SERAC1: variants seen among roughly 807,000 people sequenced by gnomAD.
SERAC1 encodes the protein serine active site containing 1.
SERAC1 carries 36 observed loss-of-function variants against 85.7 expected under a neutral mutation model. That is an observed-to-expected ratio of 0.42 (90% CI 0.32 to 0.55). The LOEUF is 0.55. Ranked by LOEUF, SERAC1 falls within the 20% of genes least tolerant of loss-of-function variation. The pLI is 0.11. For synonymous variants in SERAC1, 242 were observed against 265.3 expected (o/e 0.91, Z 0.85); for missense variants, 629 against 796.2 (o/e 0.79, Z 2.53).
At position 158,146,997 on chromosome 6, in the gene SERAC1, C is replaced by T. The variant is rs556921461; in HGVS notation, c.356-84G>A. The T allele has an allele frequency of 6.9e-3, 9,555 of 1,389,514 alleles. 504 individuals are homozygous for T. The African/African-American group carries it at 0.12, about 18-fold the overall frequency. 86.1% of individuals were successfully genotyped at this position (1,389,514 alleles called of 1,614,324 possible). On this transcript the variant is annotated intron_variant, in intron 5 of 16. Transcript: ENST00000647468. Reference sequence around the variant, plus strand: ...ACTTTAAGATGGTAATTTATAAACACTGAAATCTACAATTGGAGAGTTAAA... The same window carrying T: ...ACTTTAAGATGGTAATTTATAAACATTGAAATCTACAATTGGAGAGTTAAA...
At position 158,119,965 on chromosome 6, in the gene SERAC1, T is replaced by A. The variant is rs1356053679; in HGVS notation, c.1166+460A>T. 6.6e-6 allele frequency among the ~76,000 whole-genome samples: 1 copy of A among 152,208 alleles called. No individual in the cohort carries two copies. The highest frequency in any genetic ancestry group is 1.5e-5 in the Non-Finnish European group (1 of 68,028). The stretch of plus-strand genomic sequence containing the variant: ...CAAACTTATTACAACTTATTCTTTC[T>A]AATGCATCCTTTTATAACTAGCATA... On this transcript the variant is annotated intron_variant, in intron 11 of 16. Transcript: ENST00000647468. The surrounding 1 kb of genome is among the most constrained non-coding windows in gnomAD (Gnocchi z 4.5).
intron 3 of SERAC1, among the ~76,000 whole-genome samples, chr6:158,151,401 G>A (rs1004687183): frequency 1.3e-5 from 2 of 151,410 alleles, no homozygotes; most frequent in Non-Finnish European, 2.9e-5. Flanking sequence ...CAGCCTGGGC[G>A]ACAGAGCAAG....
chr6:158,130,230 T>C (rs1784642783), intron 9 of SERAC1, 143 bp downstream of exon 9: 2 of 468,908 alleles, frequency 4.3e-6, no homozygotes, highest in Non-Finnish European at 7.5e-6. Context: ...ACAATTAAAA[T>C]TGGAGGAAAG....
At chr6:158,149,110 GCC>G (rs1785143821) in intron 4 of SERAC1, among the ~76,000 whole-genome samples, 156 bp from the exon 5 acceptor site, 1 of 152,032 alleles carries the variant, frequency 6.6e-6, no homozygotes, top group African/African-American at 2.4e-5. Context: ...CTGCTTCACA[GCC>G]TCCCGAGTAG....
rs1339987019 is a variant in SERAC1 at position 158,110,000 on chromosome 6, A to G, written c.*1366T>C. On this transcript the variant is annotated 3_prime_UTR_variant, in exon 17 of 17. Transcript: ENST00000647468. ...CAGGCTTGGGAAAGCAGAGGTGGGA[A>G]CTGACTGCTCATGGGTATGGGGTTC... 1 of 152,230 alleles carries G rather than the reference A, an allele frequency of 6.6e-6. No individual in the cohort carries two copies. The highest frequency in any genetic ancestry group is 2.4e-5 in the African/African-American group (1 of 41,458). 9.4% of individuals were successfully genotyped at this position (152,230 alleles called of 1,614,324 possible).
At chr6:158,128,084 A>G in intron 10 of SERAC1, 24 bp downstream of exon 10, 3 of 1,603,522 alleles carry the variant, frequency 1.9e-6, no homozygotes, top group Non-Finnish European at 2.6e-6. Flanking sequence ...AAAGTAAAAA[A>G]TACTCAGTAT....
At chr6:158,148,994 T>C in intron 4 of SERAC1, 40 bp from the exon 5 acceptor site, 1 of 1,453,972 alleles carries the variant, frequency 6.9e-7, no homozygotes, top group Non-Finnish European at 9.4e-7. Flanking sequence ...AAGAATGTAT[T>C]TTTTTTTTCT....
chr6:158,115,698 C>T (rs1055487411), intron 14 of SERAC1, among the ~76,000 whole-genome samples: 7 of 152,116 alleles, frequency 4.6e-5, no homozygotes, highest in African/African-American at 1.7e-4. Flanking sequence ...ACCACTAGGA[C>T]CCCAAGAACA....
intron 3 of SERAC1, among the ~76,000 whole-genome samples, chr6:158,152,472 T>G (rs1785229795): frequency 6.6e-6 from 1 of 151,712 alleles, no homozygotes; most frequent in Non-Finnish European, 1.5e-5. Context: ...GACGAGATCA[T>G]GCCACTACAC....
chr6:158,126,811 G>A (rs1784549128), intron 10 of SERAC1, among the ~76,000 whole-genome samples: 1 of 152,102 alleles, frequency 6.6e-6, no homozygotes, highest in Non-Finnish European at 1.5e-5. Flanking sequence ...AACACTATGG[G>A]AGGCCAAGGC....
intron 8 of SERAC1, among the ~76,000 whole-genome samples, chr6:158,131,193 CAAAA>C (rs899479708): frequency 1.1e-4 from 16 of 150,456 alleles, no homozygotes; most frequent in South Asian, 2.1e-4. Context: ...AAGTCAGTGA[CAAAA>C]AATACCAACA....
At chr6:158,114,686 A>AATTATAAAATGAGATAATACATTCAAGG in intron 15 of SERAC1, 103 bp downstream of exon 15, 4 of 452,942 alleles carry the variant, frequency 8.8e-6, no homozygotes, top group East Asian at 7.8e-5. Flanking sequence ...ATTATATACA[A>AATTATAAAATGAGATAATACATTCAAGG]ATTATAAAAT....
At chr6:158,129,302 G>A (rs1158437793) in intron 9 of SERAC1, among the ~76,000 whole-genome samples, 1 of 152,170 alleles carries the variant, frequency 6.6e-6, no homozygotes, top group Admixed American at 6.5e-5. Flanking sequence ...AACTAAAGAT[G>A]ACTTTCTACA....
intron 3 of SERAC1, among the ~76,000 whole-genome samples, 169 bp downstream of exon 3, chr6:158,155,146 G>A (rs901129976): frequency 3.3e-5 from 5 of 152,184 alleles, no homozygotes; most frequent in African/African-American, 1.2e-4. Flanking sequence ...AGAAAGTAAG[G>A]AAACCACATC....
At position 158,146,849 on chromosome 6, in the gene SERAC1, G is replaced by C; in HGVS notation, c.420C>G (p.Ser140Arg). The C allele has an allele frequency of 6.2e-7, 1 of 1,613,056 alleles. No individual in the cohort carries two copies. The highest frequency in any genetic ancestry group is 8.5e-7 in the Non-Finnish European group (1 of 1,179,422). The change falls in exon 6 of 17, where the codon AGC (serine) becomes AGG (arginine). Residue 140 changes from serine to arginine, a missense_variant. Coordinates refer to ENST00000647468, the MANE Select transcript of SERAC1 (RefSeq NM_032861.4). Reference protein sequence around the residue: ...ECAVWLLLRKSKSDDKTTRLE... With the variant: ...ECAVWLLLRKRKSDDKTTRLE... The stretch of plus-strand genomic sequence containing the variant: ...GTCGCGTGGTTTTGTCATCTGACTT[G>C]CTCTTCCGTAGGAGCAGCCACACAG...
chr6:158,116,115 C>T, intron 14 of SERAC1, 70 bp downstream of exon 14: 1 of 1,256,212 alleles, frequency 8.0e-7, no homozygotes. Flanking sequence ...GATAAAATAA[C>T]TTTAGGTTGG....
chr6:158,148,496 G>A (rs901230863), intron 5 of SERAC1, among the ~76,000 whole-genome samples: 1 of 152,080 alleles, frequency 6.6e-6, no homozygotes, highest in African/African-American at 2.4e-5. Context: ...AGGCTGGAGT[G>A]CAGTGGCATG....
rs387907236 is a variant in SERAC1, at chr6:158,146,827, G to A, written c.442C>T (p.Arg148Ter). ...RKSKSDDKTT[R>*]LEAVREMSET... ...GACATTTCCCGCACAGCCTCGAGTC[G>A]CGTGGTTTTGTCATCTGACTTGCTC... is the stretch of plus-strand genomic sequence containing the variant. The change falls in exon 6 of 17, where the codon CGA becomes TGA. Residue 148 changes from arginine to a stop codon, truncating the protein, a stop_gained. Transcript: ENST00000647468. LOFTEE classifies it high-confidence loss of function. 9.3e-6 allele frequency: 15 copies of A among 1,613,802 alleles called. No individual in the cohort carries two copies. Among genetic ancestry groups the A allele is most frequent in the East Asian group, 8.9e-5 (4 of 44,878 alleles).
intron 2 of SERAC1, among the ~76,000 whole-genome samples, chr6:158,155,763 T>C (rs565260225): frequency 6.6e-6 from 1 of 152,332 alleles, no homozygotes; most frequent in African/African-American, 2.4e-5. Context: ...TGAAGGATTA[T>C]ATTGTCAAGT....
Sources: gnomAD v4.1 joint callset for allele counts (sites outside exome capture counted in the v4.1 genomes callset) on GRCh38, gnomAD v4.1.1 for gene constraint, Gnocchi (gnomAD v3.1) non-coding constraint, MANE v1.5 for transcripts, NCBI Gene and HGNC (gene_info 2026-07-23, HGNC 2026-07-21) for gene names.